PCDHGA12: variants seen among roughly 807,000 people sequenced by gnomAD.
PCDHGA12 encodes the protein protocadherin gamma subfamily A, 12, also known as protocadherin gamma-A12.
Under a neutral mutation model 61.1 loss-of-function variants are expected in PCDHGA12, and 43 were observed. The ratio of observed to expected loss-of-function variants is 0.70; its 90% CI spans 0.55 to 0.91. PCDHGA12 has a LOEUF of 0.91. Among genes scored for constraint, PCDHGA12 ranks in the 40% least tolerant of loss-of-function variants. The pLI is 0.00. For missense variants in PCDHGA12, 1,236 were observed against 1,227.7 expected (o/e 1.01, Z -0.10); for synonymous variants, 520 against 542.9 (o/e 0.96, Z 0.59).
At position 141,431,645 on chromosome 5, in the gene PCDHGA12, T is replaced by G. The variant is rs2097404203; in HGVS notation, c.886T>G (p.Cys296Gly). ...GGCGGCCCAAGTTTTCAAACTAGAT[T>G]GTAATTCAGGGACAATATCAACAAT... Reference protein sequence around the residue: ...DKAAQVFKLDCNSGTISTIGE... With the variant: ...DKAAQVFKLDGNSGTISTIGE... The change falls in exon 1 of 4, where the codon TGT becomes GGT. Residue 296 changes from cysteine to glycine, a missense_variant. Coordinates refer to ENST00000252085, the MANE Select transcript of PCDHGA12 (RefSeq NM_003735.3). This position sits in a 1 kb window ranked among gnomAD's most constrained non-coding sequence, Gnocchi z 4.8. The G allele has an allele frequency of 2.5e-6, 4 of 1,614,236 alleles. No homozygotes were observed. Among genetic ancestry groups the G allele is most frequent in the Non-Finnish European group, 3.4e-6 (4 of 1,180,044 alleles).
In PCDHGA12 at chr5:141,440,050, G is replaced by C. The variant is rs747798063; in HGVS notation, c.2424+6867G>C. On this transcript the variant is annotated intron_variant, in intron 1 of 3. Coordinates refer to ENST00000252085, the MANE Select transcript of PCDHGA12 (RefSeq NM_003735.3). ...GTGTCGAGGACATGCCCACTTGAAA[G>C]CTTCGGGTTAATGCTGAGGAATAAT... 6 of 152,826 alleles carry C rather than the reference G, an allele frequency of 3.9e-5. No homozygotes were observed. The East Asian group carries it at 1.2e-3, about 29-fold the overall frequency. 9.5% of individuals were successfully genotyped at this position (152,826 alleles called of 1,614,324 possible). A position where few individuals can be genotyped will look rare whatever the true frequency, so the allele number is the denominator to read the frequency against.
intron 1 of PCDHGA12, among the ~76,000 whole-genome samples, chr5:141,461,004 T>C (rs2099006736): frequency 6.6e-6 from 1 of 151,664 alleles, no homozygotes; most frequent in Non-Finnish European, 1.5e-5. Context: ...TATGTGTATA[T>C]ATATATACCA....
chr5:141,461,230 G>T (rs945407206), intron 1 of PCDHGA12, among the ~76,000 whole-genome samples: 2 of 152,024 alleles, frequency 1.3e-5, no homozygotes, highest in African/African-American at 4.8e-5. Flanking sequence ...TTCCATAGAG[G>T]TTGTACTAAT....
chr5:141,432,685 C>T lies in PCDHGA12; in HGVS notation c.1926C>T (p.Leu642=), dbSNP rs1561863583. 1 of 1,613,932 alleles carries T rather than the reference C, an allele frequency of 6.2e-7. No individual in the cohort carries two copies. The highest frequency in any genetic ancestry group is 1.7e-5 in the Admixed American group (1 of 60,020). The part of the protein sequence containing the change: ...LLDRDALKQS[L]VVAVQDHGQP... ...ACAGAGACGCGCTCAAGCAGAGCCT[C>T]GTAGTGGCCGTCCAGGACCACGGCC... The change falls in exon 1 of 4, where the codon CTC becomes CTT. Residue 642 remains leucine, a synonymous_variant. Coordinates refer to ENST00000252085, the MANE Select transcript of PCDHGA12 (RefSeq NM_003735.3). This position sits in a 1 kb window ranked among gnomAD's most constrained non-coding sequence, Gnocchi z 6.0.
Position 141,490,732 on chromosome 5 carries a change from G to T in PCDHGA12, c.2425-4075G>T, listed in dbSNP as rs775388969. 4 of 1,614,188 alleles carry T rather than the reference G, an allele frequency of 2.5e-6. No individual in the cohort carries two copies. Among genetic ancestry groups the T allele is most frequent in the Non-Finnish European group, 3.4e-6 (4 of 1,180,042 alleles). ...CACCTACTCCATTGTAGGAAATCAGGTTCAGGGAGCCCCAGCCTCCTCCTT... is the reference window on the plus strand; with the variant it reads ...CACCTACTCCATTGTAGGAAATCAGTTTCAGGGAGCCCCAGCCTCCTCCTT... On this transcript the variant is annotated intron_variant, in intron 1 of 3. Transcript: ENST00000252085. The surrounding 1 kb of genome is among the most constrained non-coding windows in gnomAD (Gnocchi z 5.4).
intron 1 of PCDHGA12, among the ~76,000 whole-genome samples, chr5:141,436,175 A>G (rs1263518258): frequency 1.3e-5 from 2 of 152,192 alleles, no homozygotes; most frequent in Non-Finnish European, 2.9e-5. Flanking sequence ...CAGTTCTCAT[A>G]TATAGTCAAA....
At chr5:141,469,886 T>A (rs766990419) in intron 1 of PCDHGA12, among the ~76,000 whole-genome samples, 4 of 152,208 alleles carry the variant, frequency 2.6e-5, no homozygotes, top group Non-Finnish European at 4.4e-5. Context: ...ATCTCGGCAC[T>A]TTGGGAAGCC....
At chr5:141,468,160 G>C (rs2099158881) in intron 1 of PCDHGA12, among the ~76,000 whole-genome samples, 1 of 151,468 alleles carries the variant, frequency 6.6e-6, no homozygotes, top group African/African-American at 2.4e-5. Context: ...CCCTGTCTCT[G>C]CTAAAAATAG....
At chr5:141,456,492 G>C (rs542424798) in intron 1 of PCDHGA12, among the ~76,000 whole-genome samples, 1 of 152,284 alleles carries the variant, frequency 6.6e-6, no homozygotes, top group African/African-American at 2.4e-5. Flanking sequence ...GCTTAATAAA[G>C]GGGTTAACCA....
chr5:141,483,711 A>G (rs1258383632), intron 1 of PCDHGA12, among the ~76,000 whole-genome samples: 2 of 152,122 alleles, frequency 1.3e-5, no homozygotes, highest in African/African-American at 2.4e-5. Context: ...TGACACCAGA[A>G]TATTGGTTCC....
At chr5:141,436,335 A>T (rs2097814208) in intron 1 of PCDHGA12, among the ~76,000 whole-genome samples, 1 of 152,172 alleles carries the variant, frequency 6.6e-6, no homozygotes, top group African/African-American at 2.4e-5. Flanking sequence ...ACCATATCTC[A>T]AATATCAGTG....
intron 1 of PCDHGA12, among the ~76,000 whole-genome samples, chr5:141,494,218 T>C (rs1224329242): frequency 1.3e-5 from 2 of 152,222 alleles, no homozygotes; most frequent in South Asian, 2.1e-4. Context: ...CAATCTGGCA[T>C]GACTCCTAAA....
chr5:141,436,309 T>C (rs1228417864), intron 1 of PCDHGA12, among the ~76,000 whole-genome samples: 1 of 152,198 alleles, frequency 6.6e-6, no homozygotes, highest in Non-Finnish European at 1.5e-5. Flanking sequence ...AGAGCATGAA[T>C]AGTCAAGACT....
At position 141,498,794 on chromosome 5, in the gene PCDHGA12, G is replaced by A. The variant is rs184257963; in HGVS notation, c.2483+3929G>A. ...TAAAAATACAAAATATTAGCCAGGT[G>A]TGGTGGTGCACACCTGTAGTCCCAG... On this transcript the variant is annotated intron_variant, in intron 2 of 3. Transcript: ENST00000252085. Among the ~76,000 whole-genome samples the A allele has an allele frequency of 7.9e-5, 12 of 152,224 alleles. No individual in the cohort carries two copies. The East Asian group carries it at 2.3e-3, about 30-fold the overall frequency.
At chr5:141,439,739 G>A (rs867225156) in intron 1 of PCDHGA12, 4 of 152,312 alleles carry the variant, frequency 2.6e-5, no homozygotes, top group Non-Finnish European at 5.9e-5. Flanking sequence ...GGAACGGAAC[G>A]GATTTACAGG....
Position 141,491,992 on chromosome 5 carries a change from T to G in PCDHGA12, c.2425-2815T>G. ...GGCCTCCTTCGAGCTTCCGGTGAAT[T>G]TCGGGCGATTTCCGCGGGTGTCGGG... On this transcript the variant is annotated intron_variant, in intron 1 of 3. Transcript: ENST00000252085. This position sits in a 1 kb window ranked among gnomAD's most constrained non-coding sequence, Gnocchi z 6.9. The G allele has an allele frequency of 1.5e-6, 1 of 684,982 alleles. No homozygotes were observed. The highest frequency in any genetic ancestry group is 2.3e-6 in the Non-Finnish European group (1 of 443,370). The allele number at this position is 684,982 out of a possible 1,614,324, so 42.4% of individuals were successfully genotyped here.
At chr5:141,494,733 C>G in intron 1 of PCDHGA12, 74 bp from the exon 2 acceptor site, 1 of 1,610,826 alleles carries the variant, frequency 6.2e-7, no homozygotes, top group South Asian at 1.1e-5. Flanking sequence ...CTCTCCCGGC[C>G]CATCCCTAGG....
At chr5:141,468,560 T>TA (rs2099169084) in intron 1 of PCDHGA12, 1 of 152,004 alleles carries the variant, frequency 6.6e-6, no homozygotes, top group Non-Finnish European at 1.5e-5. Context: ...ATTTGTGATA[T>TA]AGTAAACAAT....
chr5:141,508,826 C>T (rs2099872187), intron 3 of PCDHGA12, among the ~76,000 whole-genome samples: 1 of 152,092 alleles, frequency 6.6e-6, no homozygotes, highest in South Asian at 2.1e-4. Context: ...AGATCTGGGC[C>T]CCCCTCCCCT....
Sources: allele counts gnomAD v4.1 joint callset (sites outside exome capture counted in the v4.1 genomes callset), GRCh38; gene constraint gnomAD v4.1.1; non-coding constraint Gnocchi (gnomAD v3.1); transcripts MANE v1.5; gene names NCBI Gene and HGNC (gene_info 2026-07-23, HGNC 2026-07-21).